NUP88: variants seen among roughly 807,000 people sequenced by gnomAD.
NUP88 encodes nucleoporin 88.
NUP88 carries 57 observed loss-of-function variants against 93.9 expected under a neutral mutation model. That is an observed-to-expected ratio of 0.61 (90% CI 0.49 to 0.76). The LOEUF is 0.76. Among genes scored for constraint, NUP88 ranks in the 30% least tolerant of loss-of-function variants. The pLI is 0.00. For missense variants in NUP88, 911 were observed against 901.0 expected, an observed-to-expected ratio of 1.01 and a Z score of -0.14; for synonymous variants, 346 against 336.8, an observed-to-expected ratio of 1.03 and a Z score of -0.30.
chr17:5,397,157 C>T (rs1912825434), intron 8 of NUP88, among the ~76,000 whole-genome samples: 1 of 151,974 alleles, frequency 6.6e-6, no homozygotes, highest in Non-Finnish European at 1.5e-5. Flanking sequence ...CTGGGCAACA[C>T]GGTAAAACCC....
Position 5,385,544 on chromosome 17 carries a change from C to T in NUP88, c.*662G>A, listed in dbSNP as rs1911885567. ...GGTGAAGTGAGGACAAAATCACATT[C>T]TGCATACTAACCTATTTTTTTCTCC... On this transcript the variant is annotated 3_prime_UTR_variant, in exon 17 of 17. Transcript: ENST00000573584. The T allele has an allele frequency of 4.3e-6, 1 of 231,004 alleles. No individual in the cohort carries two copies. The highest frequency in any genetic ancestry group is 6.2e-5 in the East Asian group (1 of 16,200). The allele number at this position is 231,004 out of a possible 1,614,324, so 14.3% of individuals were successfully genotyped here.
intron 11 of NUP88, chr17:5,388,580 G>A (rs530845665): frequency 3.8e-5 from 16 of 422,632 alleles, no homozygotes; most frequent in Middle Eastern, 6.6e-4. Context: ...GAGCCACCAC[G>A]CCCGGCCTAG....
At chr17:5,403,813 G>T (rs989748082) in intron 7 of NUP88, among the ~76,000 whole-genome samples, 3 of 152,170 alleles carry the variant, frequency 2.0e-5, no homozygotes, top group African/African-American at 7.2e-5. Flanking sequence ...ATACCCAGTA[G>T]TGGAACTACT....
At position 5,405,187 on chromosome 17, in the gene NUP88, T is replaced by C; in HGVS notation, c.914A>G (p.Asp305Gly). The part of the protein sequence containing the change: ...GPLPMHPAAE[D>G]NYGYDACAVL... ...AGCACACGCATCATAACCATAGTTA[T>C]CTTCAGCCGCAGGATGCATGGGCAA... The change falls in exon 6 of 17, where the codon GAT becomes GGT. Residue 305 changes from aspartate to glycine, a missense_variant. Physicochemically the swap from Asp to Gly is moderately conservative, Grantham distance 94. Coordinates refer to ENST00000573584, the MANE Select transcript of NUP88 (RefSeq NM_002532.6). 6.2e-7 allele frequency: 1 copy of C among 1,614,174 alleles called. No individual in the cohort carries two copies. Among genetic ancestry groups the C allele is most frequent in the Non-Finnish European group, 8.5e-7 (1 of 1,180,020 alleles).
chr17:5,391,109 T>A (rs1912387959), intron 10 of NUP88, among the ~76,000 whole-genome samples: 1 of 152,104 alleles, frequency 6.6e-6, no homozygotes, highest in Non-Finnish European at 1.5e-5. Context: ...ATTTGTTACC[T>A]GTGACTTCAG....
At chr17:5,413,393 GCA>G (rs1214795630) in intron 3 of NUP88, among the ~76,000 whole-genome samples, 1 of 152,208 alleles carries the variant, frequency 6.6e-6, no homozygotes, top group African/African-American at 2.4e-5. Flanking sequence ...ATTTAGTAGA[GCA>G]CAGTTAAAAG....
At chr17:5,416,832 A>ATT (rs11391160) in intron 1 of NUP88, 150 bp from the exon 2 acceptor site, 11,177 of 386,528 alleles carry the variant, frequency 0.029, 13 homozygotes, top group East Asian at 0.056. Flanking sequence ...TAACTCACAA[A>ATT]TTTTTTTTTT....
At chr17:5,398,487 C>T (rs1465740520) in intron 8 of NUP88, among the ~76,000 whole-genome samples, 2 of 152,084 alleles carry the variant, frequency 1.3e-5, no homozygotes, top group African/African-American at 4.8e-5. Context: ...CGGGGTTTCG[C>T]CATGTTGACT....
At chr17:5,417,701 C>T (rs541048401) in intron 1 of NUP88, among the ~76,000 whole-genome samples, 1 of 151,596 alleles carries the variant, frequency 6.6e-6, no homozygotes, top group Admixed American at 6.6e-5. Context: ...TAGCCGGGTA[C>T]GGTGGAGTGG....
rs1913647794 is a variant in NUP88 at position 5,408,781 on chromosome 17, A to G, written c.809T>C (p.Leu270Ser). ...CAGGAAAGTCTCTCCATTTTCATAT[A>G]AGATGTACAGTGGGTATGCCACTAC... The part of the protein sequence containing the change: ...DEVVAYPLYI[L>S]YENGETFLTY... The change falls in exon 5 of 17, where the codon TTA (leucine) becomes TCA (serine). Residue 270 changes from leucine to serine, a missense_variant. Transcript: ENST00000573584. 1 of 1,613,370 alleles carries G rather than the reference A, an allele frequency of 6.2e-7. No individual in the cohort carries two copies. Among genetic ancestry groups the G allele is most frequent in the East Asian group, 2.2e-5 (1 of 44,856 alleles).
chr17:5,416,459 G>T, intron 2 of NUP88, 54 bp downstream of exon 2: 1 of 1,317,072 alleles, frequency 7.6e-7, no homozygotes, highest in South Asian at 1.5e-5. Flanking sequence ...CACTAGTCTT[G>T]AACAATTTTC....
intron 2 of NUP88, among the ~76,000 whole-genome samples, chr17:5,416,297 C>T (rs1192019817): frequency 3.3e-5 from 5 of 151,444 alleles, no homozygotes; most frequent in African/African-American, 1.2e-4. Context: ...AATGGCCTAG[C>T]CTCAAATGAG....
At position 5,385,767 on chromosome 17, in the gene NUP88, C is replaced by T. The variant is rs1255765529; in HGVS notation, c.*439G>A. 4.3e-6 allele frequency: 1 copy of T among 233,728 alleles called. No individual in the cohort carries two copies. The highest frequency in any genetic ancestry group is 8.4e-6 in the Non-Finnish European group (1 of 118,754). 14.5% of individuals were successfully genotyped at this position (233,728 alleles called of 1,614,324 possible). A position where few individuals can be genotyped will look rare whatever the true frequency, so the allele number is the denominator to read the frequency against. Reference sequence around the variant, plus strand: ...TTTGTTAACTGTACTGAAGGTGTGTCCTCAAGAAGAAAGTGTTCAAATTAA... The same window carrying T: ...TTTGTTAACTGTACTGAAGGTGTGTTCTCAAGAAGAAAGTGTTCAAATTAA... On this transcript the variant is annotated 3_prime_UTR_variant, in exon 17 of 17. Coordinates refer to ENST00000573584, the MANE Select transcript of NUP88 (RefSeq NM_002532.6).
intron 4 of NUP88, among the ~76,000 whole-genome samples, chr17:5,410,244 T>C (rs1027072616): frequency 2.0e-5 from 3 of 152,238 alleles, no homozygotes; most frequent in Non-Finnish European, 4.4e-5. Context: ...ACAGCAAATA[T>C]ACATTACATG....
rs377114610 is a variant in NUP88 at position 5,414,146 on chromosome 17, A to G, written c.468-12T>C. 1.9e-5 allele frequency: 31 copies of G among 1,608,406 alleles called. No individual in the cohort carries two copies. Among genetic ancestry groups the G allele is most frequent in the African/African-American group, 1.2e-4 (9 of 74,752 alleles). On this transcript the variant is annotated splice_polypyrimidine_tract_variant and intron_variant, in intron 2 of 16. Transcript: ENST00000573584. The stretch of plus-strand genomic sequence containing the variant: ...CAACTGGAGTGGTACTAAAATAAAG[A>G]TAATAATTTTCCAAAACATTTTGTA...
At chr17:5,391,925 T>C (rs1309599218) in intron 9 of NUP88, among the ~76,000 whole-genome samples, 1 of 118,780 alleles carries the variant, frequency 8.4e-6, no homozygotes, top group Admixed American at 8.2e-5. Flanking sequence ...CACGTTACAC[T>C]GAAGATCTCT....
chr17:5,397,977 G>A (rs963926865), intron 8 of NUP88, among the ~76,000 whole-genome samples: 15 of 150,520 alleles, frequency 1.0e-4, no homozygotes, highest in Non-Finnish European at 1.5e-4. Context: ...ATCTCGACTC[G>A]AATACAGCAG....
Position 5,391,190 on chromosome 17 carries a change from TG to T in NUP88, c.1484+370del, listed in dbSNP as rs1252315472. ...AATGACAGTGCCTTCCTTACAGGGC[TG>T]CCCTGATGATTCCAGGAGGCAGTGC... On this transcript the variant is annotated intron_variant, in intron 10 of 16. Coordinates refer to ENST00000573584, the MANE Select transcript of NUP88 (RefSeq NM_002532.6). 2.6e-5 allele frequency among the ~76,000 whole-genome samples: 4 copies of T among 152,232 alleles called. No homozygotes were observed. In the East Asian group the frequency reaches 7.7e-4, roughly 29 times the overall value.
intron 7 of NUP88, among the ~76,000 whole-genome samples, chr17:5,402,083 A>G (rs1314780414): frequency 6.6e-6 from 1 of 152,172 alleles, no homozygotes; most frequent in Non-Finnish European, 1.5e-5. Flanking sequence ...GTGGGAGGCC[A>G]AGGTGGACAG....
Sources: allele counts gnomAD v4.1 joint callset (sites outside exome capture counted in the v4.1 genomes callset), GRCh38; gene constraint gnomAD v4.1.1; transcripts MANE v1.5; gene names NCBI Gene and HGNC (gene_info 2026-07-23, HGNC 2026-07-21).